PALM2AKAP2: variants seen among roughly 807,000 people sequenced by gnomAD.
PALM2AKAP2 encodes PALM2 and AKAP2 fusion, also known as PALM2-AKAP2 fusion protein.
In PALM2AKAP2, 37 loss-of-function variants were observed where a neutral mutation model predicts 71.5. That is an observed-to-expected ratio of 0.52 (90% confidence interval 0.40 to 0.68). The LOEUF (loss-of-function observed/expected upper bound fraction) is 0.68. Among genes scored for constraint, PALM2AKAP2 ranks in the 30% least tolerant of loss-of-function variants. PALM2AKAP2 has a pLI of 0.00. For missense variants in PALM2AKAP2, 1,224 were observed against 1,191.8 expected (o/e 1.03, Z -0.40); for synonymous variants, 468 against 478.8 (o/e 0.98, Z 0.29).
intron 1 of PALM2AKAP2, among the ~76,000 whole-genome samples, chr9:109,690,152 G>A (rs1020336693): frequency 2.0e-5 from 3 of 152,128 alleles, no homozygotes; most frequent in African/African-American, 7.2e-5. Flanking sequence ...CCCCATACCA[G>A]CCACTGCTCA....
intron 6 of PALM2AKAP2, among the ~76,000 whole-genome samples, chr9:109,970,953 T>C (rs1296380912): frequency 6.6e-6 from 1 of 151,678 alleles, no homozygotes; most frequent in Non-Finnish European, 1.5e-5. Flanking sequence ...ACAAAAAAAA[T>C]TTAAAAAATT....
intron 1 of PALM2AKAP2, among the ~76,000 whole-genome samples, chr9:109,768,013 GAAGA>G (rs1471520868): frequency 1.0e-4 from 12 of 118,022 alleles, no homozygotes; most frequent in African/African-American, 4.4e-4. Flanking sequence ...AGGTAGGTAG[GAAGA>G]AAGGAAGGAA....
intron 1 of PALM2AKAP2, among the ~76,000 whole-genome samples, chr9:109,847,471 A>G (rs956569415): frequency 3.3e-4 from 50 of 152,240 alleles, no homozygotes; most frequent in Non-Finnish European, 5.1e-4. Flanking sequence ...GATGGGCGTG[A>G]TGGCTCACGC....
chr9:110,006,348 TTCTTTCTTTC>T (rs1832784102), intron 6 of PALM2AKAP2, among the ~76,000 whole-genome samples: 1 of 144,278 alleles, frequency 6.9e-6, no homozygotes, highest in South Asian at 2.5e-4. Flanking sequence ...CTTTCTTTCT[TTCTTTCTTTC>T]TTTCTTTCTT....
intron 1 of PALM2AKAP2, among the ~76,000 whole-genome samples, chr9:109,740,800 T>C (rs140357742): frequency 0.042 from 6,466 of 152,152 alleles, 180 homozygotes; most frequent in Non-Finnish European, 0.053. Context: ...ACTACAGGCG[T>C]GTGCCACCAC....
At chr9:109,891,797 C>T (rs888572657) in intron 3 of PALM2AKAP2, among the ~76,000 whole-genome samples, 4 of 152,026 alleles carry the variant, frequency 2.6e-5, no homozygotes, top group African/African-American at 9.7e-5. Context: ...GGCCATCACC[C>T]ATCAATTTTT....
intron 1 of PALM2AKAP2, among the ~76,000 whole-genome samples, chr9:109,766,959 G>A (rs1789463636): frequency 1.3e-5 from 2 of 152,186 alleles, no homozygotes; most frequent in Non-Finnish European, 2.9e-5. Context: ...TTGTGAGAAT[G>A]CTGCTGACTG....
At chr9:109,685,793 T>TTGC (rs1827798536) in intron 1 of PALM2AKAP2, among the ~76,000 whole-genome samples, 1 of 152,152 alleles carries the variant, frequency 6.6e-6, no homozygotes, top group Non-Finnish European at 1.5e-5. Flanking sequence ...ACAATGATGT[T>TTGC]TGCTGCATTG....
intron 3 of PALM2AKAP2, among the ~76,000 whole-genome samples, chr9:109,888,824 T>C (rs1423384982): frequency 6.6e-6 from 1 of 152,156 alleles, no homozygotes; most frequent in Non-Finnish European, 1.5e-5. Flanking sequence ...TGGATAGTTA[T>C]TTGTTGTGAG....
intron 1 of PALM2AKAP2, among the ~76,000 whole-genome samples, chr9:109,678,436 A>G (rs1479445132): frequency 2.0e-5 from 3 of 152,178 alleles, no homozygotes; most frequent in South Asian, 2.1e-4. Flanking sequence ...GATGATTCCC[A>G]TTTCACTTTA....
chr9:109,997,867 C>A lies in PALM2AKAP2; in HGVS notation c.497-18087C>A, dbSNP rs114653443. Among the ~76,000 whole-genome samples the A allele has an allele frequency of 9.4e-3, 1,433 of 152,330 alleles. 24 individuals are homozygous for A. The highest frequency in any genetic ancestry group is 0.033 in the African/African-American group (1,383 of 41,586). ...GGCAGAGCTTCCCATCCAGAGGAAGCAGGCCCCATCAGCTTATCCTGGGGT... is the reference window on the plus strand; with the variant it reads ...GGCAGAGCTTCCCATCCAGAGGAAGAAGGCCCCATCAGCTTATCCTGGGGT... On this transcript the variant is annotated intron_variant, in intron 6 of 9. Coordinates refer to the PALM2AKAP2 transcript ENST00000302798.
intron 2 of PALM2AKAP2, among the ~76,000 whole-genome samples, chr9:110,153,970 G>A (rs929451069): frequency 6.6e-6 from 1 of 152,224 alleles, no homozygotes; most frequent in Admixed American, 6.5e-5. Flanking sequence ...TGGCTGGTGG[G>A]AAGTGATCTG....
intron 1 of PALM2AKAP2, among the ~76,000 whole-genome samples, chr9:110,123,735 CT>C (rs1835538777): frequency 6.6e-6 from 1 of 152,154 alleles, no homozygotes; most frequent in Non-Finnish European, 1.5e-5. Context: ...GATTTAAAAC[CT>C]TTTTCTAAAA....
chr9:109,994,489 A>G (rs1832538173), intron 6 of PALM2AKAP2, among the ~76,000 whole-genome samples: 1 of 152,204 alleles, frequency 6.6e-6, no homozygotes, highest in Non-Finnish European at 1.5e-5. Context: ...TATGAAAACT[A>G]CATAACTAAT....
chr9:110,109,350 A>AAGAC (rs1282560310), intron 1 of PALM2AKAP2, among the ~76,000 whole-genome samples: 1 of 140,020 alleles, frequency 7.1e-6, no homozygotes, highest in Non-Finnish European at 1.6e-5. Context: ...GAAAGAAAGA[A>AAGAC]ACATTTAAAA....
At position 109,854,763 on chromosome 9, in the gene PALM2AKAP2, C is replaced by CTTTTTTTTTTT. The variant is rs34401582; in HGVS notation, c.46-12711_46-12701dup. On this transcript the variant is annotated intron_variant, in intron 1 of 9. Transcript: ENST00000302798. The stretch of plus-strand genomic sequence containing the variant: ...GTAGTCAGTTTTTAAAAGAATGTAT[C>CTTTTTTTTTTT]TTTTTTTTTTTTTTTTTTTTTTTTT... 6.0e-5 allele frequency among the ~76,000 whole-genome samples: 4 copies of CTTTTTTTTTTT among 66,182 alleles called. 1 individual carries two copies. Among genetic ancestry groups the CTTTTTTTTTTT allele is most frequent in the African/African-American group, 2.5e-4 (4 of 16,174 alleles). The allele number at this position is 66,182 out of a possible 152,430, so 43.4% of individuals were successfully genotyped here. A position where few individuals can be genotyped will look rare whatever the true frequency, so the allele number is the denominator to read the frequency against.
At chr9:110,114,321 C>G (rs998705115) in intron 1 of PALM2AKAP2, among the ~76,000 whole-genome samples, 1 of 152,218 alleles carries the variant, frequency 6.6e-6, no homozygotes, top group Admixed American at 6.5e-5. Context: ...TGCATGCCCT[C>G]TCTTTCCCTT....
At chr9:110,126,854 G>A (rs72754995) in intron 1 of PALM2AKAP2, among the ~76,000 whole-genome samples, 2,210 of 152,330 alleles carry the variant, frequency 0.015, 27 homozygotes, top group Non-Finnish European at 0.024. Flanking sequence ...AGATGTGATT[G>A]GAGCCACTGA....
chr9:109,847,055 C>A (rs1470743248), intron 1 of PALM2AKAP2, among the ~76,000 whole-genome samples: 4 of 152,156 alleles, frequency 2.6e-5, no homozygotes, highest in African/African-American at 7.2e-5. Context: ...TTGTGGTAGA[C>A]CAACAATGGC....
Sources: gnomAD v4.1 joint callset for allele counts (sites outside exome capture counted in the v4.1 genomes callset) on GRCh38, gnomAD v4.1.1 for gene constraint, MANE v1.5 for transcripts, NCBI Gene and HGNC (gene_info 2026-07-23, HGNC 2026-07-21) for gene names.